Variants in CIMAP2 observed in about 807,000 individuals in gnomAD.
CIMAP2 encodes ciliary microtubule-associated protein 2.
chr1:54,812,975 G>T, the CIMAP2 span, among the ~76,000 whole-genome samples: 1 of 152,184 alleles, frequency 6.6e-6, no homozygotes, highest in African/African-American at 2.4e-5. Flanking sequence ...CCAGCTGGCA[G>T]GTAGCCACTG....
the CIMAP2 span, among the ~76,000 whole-genome samples, chr1:54,816,335 G>A: frequency 1.3e-5 from 2 of 152,220 alleles, no homozygotes; most frequent in African/African-American, 4.8e-5. Context: ...CTTCTCTGCA[G>A]ATGGCCGGGT....
chr1:54,811,980 G>T, the CIMAP2 span: 1 of 1,614,082 alleles, frequency 6.2e-7, no homozygotes, highest in Non-Finnish European at 8.5e-7. Flanking sequence ...TCCTGCAGGG[G>T]CACTCCCAGG....
At chr1:54,817,195 TC>T in the CIMAP2 span, 5 of 1,577,092 alleles carry the variant, frequency 3.2e-6, no homozygotes, top group South Asian at 1.1e-5. Flanking sequence ...GGCTGGTGGT[TC>T]CCCATGTTTG....
At chr1:54,807,844 T>C in the CIMAP2 span, 1 of 1,533,748 alleles carries the variant, frequency 6.5e-7, no homozygotes, top group Middle Eastern at 1.8e-4. Context: ...CTGCGTGGAT[T>C]TTCCCAAGTT....
At chr1:54,813,196 A>G in the CIMAP2 span, among the ~76,000 whole-genome samples, 2 of 151,948 alleles carry the variant, frequency 1.3e-5, no homozygotes, top group African/African-American at 4.8e-5. Flanking sequence ...TGGAAAGTAC[A>G]AGGAGTTCCC....
At chr1:54,828,279 G>A in the CIMAP2 span, among the ~76,000 whole-genome samples, 1 of 152,064 alleles carries the variant, frequency 6.6e-6, no homozygotes, top group African/African-American at 2.4e-5. Context: ...GTCTTATACT[G>A]CAGCCATAAC....
chr1:54,814,921 C>A, the CIMAP2 span: 1 of 1,614,198 alleles, frequency 6.2e-7, no homozygotes, highest in South Asian at 1.1e-5. Flanking sequence ...TAGGCCACAT[C>A]TGGCCCCAGT....
At chr1:54,806,304 A>G in the CIMAP2 span, 4 of 1,328,432 alleles carry the variant, frequency 3.0e-6, no homozygotes, top group African/African-American at 1.6e-5. Context: ...GCCTCGGGAG[A>G]GAGGGTGTCC....
chr1:54,806,232 T>C, the CIMAP2 span: 1 of 1,517,338 alleles, frequency 6.6e-7, no homozygotes. Flanking sequence ...TGGGGCCCGT[T>C]TGCGTCCTGG....
the CIMAP2 span, chr1:54,813,679 TCC>T: frequency 0.025 from 12 of 488 alleles, no homozygotes; most frequent in Admixed American, 0.14. Context: ...TGGCCCGGCC[TCC>T]GGCCTCCGGG....
At chr1:54,813,596 A>G in the CIMAP2 span, among the ~76,000 whole-genome samples, 1 of 152,164 alleles carries the variant, frequency 6.6e-6, no homozygotes, top group Non-Finnish European at 1.5e-5. Context: ...GCAAGAGACT[A>G]ACCCCGCCCC....
the CIMAP2 span, among the ~76,000 whole-genome samples, chr1:54,809,045 C>T: frequency 6.6e-5 from 1 of 15,260 alleles, no homozygotes; most frequent in Non-Finnish European, 1.8e-4. Context: ...TTCACTGCAG[C>T]ACTCTGAGGT....
chr1:54,820,348 G>GT, the CIMAP2 span, among the ~76,000 whole-genome samples: 166 of 146,190 alleles, frequency 1.1e-3, no homozygotes, highest in East Asian at 3.4e-3. Context: ...AAAAAGTTTT[G>GT]TTTTTTTTTT....
the CIMAP2 span, among the ~76,000 whole-genome samples, chr1:54,820,130 CTTTCTT>C: frequency 7.7e-6 from 1 of 129,688 alleles, no homozygotes; most frequent in Admixed American, 8.5e-5. Context: ...TTCTTTCTTT[CTTTCTT>C]TCTCTCTTTC....
chr1:54,811,773 G>GGGGGGCCGCCCCCCCCCCCCCC, the CIMAP2 span: 1 of 1,325,052 alleles, frequency 7.5e-7, no homozygotes, highest in Non-Finnish European at 1.0e-6. Flanking sequence ...CAGCCTCCAT[G>GGGGGGCCGCCCCCCCCCCCCCC]CCCCCACCCC....
the CIMAP2 span, chr1:54,811,766 C>CGGGGGGGGGGGGGGG: frequency 4.1e-5 from 54 of 1,305,146 alleles, no homozygotes; most frequent in Middle Eastern, 2.4e-4. Context: ...GTTCTGACAG[C>CGGGGGGGGGGGGGGG]CTCCATGCCC....
the CIMAP2 span, among the ~76,000 whole-genome samples, chr1:54,833,913 T>C: frequency 4.0e-4 from 61 of 152,182 alleles, no homozygotes; most frequent in African/African-American, 1.4e-3. Context: ...CAATGGCTCA[T>C]TGCAACCTCC....
the CIMAP2 span, among the ~76,000 whole-genome samples, chr1:54,810,779 C>G: frequency 2.0e-5 from 3 of 152,218 alleles, no homozygotes; most frequent in Admixed American, 1.3e-4. Context: ...CCCAGATGGT[C>G]ATTCCAACCA....
chr1:54,807,986 A>G, the CIMAP2 span: 2 of 1,585,390 alleles, frequency 1.3e-6, no homozygotes, highest in South Asian at 2.3e-5. Context: ...AGCTCTGGGG[A>G]GGTTCGCTTC....
Sources: gnomAD v4.1 joint callset for allele counts (sites outside exome capture counted in the v4.1 genomes callset) on GRCh38, gnomAD v4.1.1 for gene constraint, MANE v1.5 for transcripts, NCBI Gene and HGNC (gene_info 2026-07-23, HGNC 2026-07-21) for gene names.